The following DOCK3 variants were observed in gnomAD, a reference collection of about 807,000 sequenced individuals.
DOCK3 encodes dedicator of cytokinesis 3.
A neutral mutation model predicts 265.6 loss-of-function variants in DOCK3; 60 were observed. That is an observed-to-expected ratio of 0.23 (90% CI 0.18 to 0.28). DOCK3 has a LOEUF of 0.28. DOCK3 is among the 10% of genes least tolerant of loss of function. The probability of loss-of-function intolerance (pLI) is 1.00; values close to 1 mark genes in which losing one functional copy is unlikely to be tolerated. For missense variants in DOCK3, 1,981 were observed against 2,594.3 expected (o/e 0.76, Z 5.14); for synonymous variants, 881 against 938.0 (o/e 0.94, Z 1.11).
At chr3:51,239,476 G>GT (rs892468557) in intron 21 of DOCK3, among the ~76,000 whole-genome samples, 4 of 151,636 alleles carry the variant, frequency 2.6e-5, no homozygotes, top group Non-Finnish European at 5.9e-5. Context: ...GATTACAGGT[G>GT]TAAGCCACTG....
chr3:50,968,553 ATTT>A (rs749920591), intron 5 of DOCK3, among the ~76,000 whole-genome samples: 1 of 139,352 alleles, frequency 7.2e-6, no homozygotes. Flanking sequence ...TATGATTTCA[ATTT>A]TTTTTTTTTT....
chr3:51,132,605 A>G (rs2084607052), intron 9 of DOCK3, among the ~76,000 whole-genome samples: 1 of 152,198 alleles, frequency 6.6e-6, no homozygotes, highest in Non-Finnish European at 1.5e-5. Context: ...TGTCCACCAA[A>G]CTTAGGAGCG....
chr3:50,938,791 GA>G (rs1308154429), intron 5 of DOCK3, among the ~76,000 whole-genome samples: 1 of 151,242 alleles, frequency 6.6e-6, no homozygotes, highest in East Asian at 1.9e-4. Flanking sequence ...CTAATAATAG[GA>G]AAAAAAGCAA....
chr3:51,220,709 G>GTATATATATATATATATATA (rs3073874), intron 14 of DOCK3, among the ~76,000 whole-genome samples: 1 of 132,386 alleles, frequency 7.6e-6, no homozygotes, highest in African/African-American at 3.0e-5. Flanking sequence ...GTGTGTGTGT[G>GTATATATATATATATATATA]TATATATATA....
At chr3:51,164,374 G>A (rs1227802802) in intron 12 of DOCK3, among the ~76,000 whole-genome samples, 18 of 152,090 alleles carry the variant, frequency 1.2e-4, no homozygotes, top group Admixed American at 1.2e-3. Context: ...TGTAATCCCA[G>A]CACTTTGGGA....
intron 1 of DOCK3, among the ~76,000 whole-genome samples, chr3:50,759,714 G>A (rs561767611): frequency 3.2e-4 from 48 of 151,176 alleles, no homozygotes; most frequent in African/African-American, 1.1e-3. Context: ...GCTGGGCATG[G>A]TGGCACGTGC....
intron 4 of DOCK3, chr3:50,901,036 A>G (rs1320420597): frequency 1.2e-5 from 4 of 323,138 alleles, no homozygotes; most frequent in Non-Finnish European, 2.4e-5. Context: ...TTCAGAACAG[A>G]CAGGCTGGAA....
intron 12 of DOCK3, among the ~76,000 whole-genome samples, chr3:51,167,811 C>T (rs1341520102): frequency 2.0e-5 from 3 of 151,872 alleles, no homozygotes; most frequent in Admixed American, 1.3e-4. Context: ...GCTACTTTAC[C>T]GAATTTTATT....
chr3:51,095,102 A>T (rs1262483704), intron 9 of DOCK3, among the ~76,000 whole-genome samples: 1 of 149,104 alleles, frequency 6.7e-6, no homozygotes, highest in Admixed American at 6.7e-5. Flanking sequence ...CTGGGTCTTG[A>T]CTCTTTATCC....
chr3:50,788,260 T>A, intron 2 of DOCK3: 1 of 623,962 alleles, frequency 1.6e-6, no homozygotes, highest in Non-Finnish European at 2.4e-6. Flanking sequence ...AACCAGCTCC[T>A]GACGAGAAGT....
rs2033843091 is a variant in DOCK3 at position 50,675,197 on chromosome 3, GC to G, written c.-64del. ...TCGACTCGCGGTGCGCCACAGCCGGGCCCGCGGCCGTCCCCGCCGCGTTGTC... is the reference window on the plus strand; with the variant it reads ...TCGACTCGCGGTGCGCCACAGCCGGGCCGCGGCCGTCCCCGCCGCGTTGTC... On this transcript the variant is annotated 5_prime_UTR_variant, in exon 1 of 53. Coordinates refer to ENST00000266037, the MANE Select transcript of DOCK3 (RefSeq NM_004947.5). The surrounding 1 kb of genome is among the most constrained non-coding windows in gnomAD (Gnocchi z 6.1). 9.5e-7 allele frequency: 1 copy of G among 1,047,218 alleles called. No individual in the cohort carries two copies. Among genetic ancestry groups the G allele is most frequent in the South Asian group, 4.5e-5 (1 of 22,426 alleles). The allele number at this position is 1,047,218 out of a possible 1,614,324, so 64.9% of individuals were successfully genotyped here. A position where few individuals can be genotyped will look rare whatever the true frequency, so the allele number is the denominator to read the frequency against.
intron 5 of DOCK3, among the ~76,000 whole-genome samples, chr3:50,949,860 A>G (rs1249329882): frequency 2.0e-5 from 3 of 152,018 alleles, no homozygotes; most frequent in Non-Finnish European, 4.4e-5. Context: ...AGTAACCTAT[A>G]TAGGAAATAT....
chr3:50,742,438 A>G (rs1331909881), intron 1 of DOCK3, among the ~76,000 whole-genome samples: 3 of 151,194 alleles, frequency 2.0e-5, no homozygotes, highest in East Asian at 3.9e-4. Context: ...AAAGAAGTTG[A>G]AAACTTTGAA....
At chr3:51,168,205 T>C (rs544178398) in intron 12 of DOCK3, among the ~76,000 whole-genome samples, 2 of 152,366 alleles carry the variant, frequency 1.3e-5, no homozygotes, top group East Asian at 3.9e-4. Flanking sequence ...ACTATCAAAC[T>C]ACTAGTGACA....
At chr3:50,939,510 A>G (rs746146146) in intron 5 of DOCK3, among the ~76,000 whole-genome samples, 1 of 152,260 alleles carries the variant, frequency 6.6e-6, no homozygotes, top group South Asian at 2.1e-4. Context: ...CTTGATCAAT[A>G]TATAAAAATA....
chr3:51,272,156 G>A (rs1323144002), intron 24 of DOCK3, among the ~76,000 whole-genome samples: 4 of 152,178 alleles, frequency 2.6e-5, no homozygotes, highest in African/African-American at 9.7e-5. Context: ...ATATGAGCCT[G>A]ATTCTTTAAG....
At chr3:51,193,375 T>G (rs564761413) in intron 12 of DOCK3, among the ~76,000 whole-genome samples, 1 of 151,956 alleles carries the variant, frequency 6.6e-6, no homozygotes, top group Non-Finnish European at 1.5e-5. Context: ...ACATATAGTT[T>G]TCGTTGTTGT....
intron 14 of DOCK3, among the ~76,000 whole-genome samples, chr3:51,216,309 C>T (rs2089784002): frequency 6.6e-6 from 1 of 152,196 alleles, no homozygotes; most frequent in African/African-American, 2.4e-5. Flanking sequence ...GGATACTCTG[C>T]ATCTCTTCAT....
At position 51,381,062 on chromosome 3, in the gene DOCK3, C is replaced by G; in HGVS notation, c.5596C>G (p.Pro1866Ala). The change falls in exon 53 of 53, where the codon CCT (proline) becomes GCT (alanine). Residue 1866 changes from proline to alanine, a missense_variant. By Grantham distance (27) the Pro-to-Ala change is conservative (BLOSUM62 -1). This residue lies in a region of DOCK3 where 1,357 missense variants were observed against 1,866.8 expected (regional missense o/e 0.73). Transcript: ENST00000266037. The surrounding 1 kb of genome is among the most constrained non-coding windows in gnomAD (Gnocchi z 5.6). Reference sequence around the variant, plus strand: ...CTTTCCTTCGCAGTCTCCTCTCCACCCTATCCCAGCCTCCCCCACAAGCCC... The same window carrying G: ...CTTTCCTTCGCAGTCTCCTCTCCACGCTATCCCAGCCTCCCCCACAAGCCC... Reference protein sequence around the residue: ...ARTLRKSPLHPIPASPTSPQS... With the variant: ...ARTLRKSPLHAIPASPTSPQS... 6.2e-7 allele frequency: 1 copy of G among 1,601,012 alleles called. No homozygotes were observed.
Sources: allele counts gnomAD v4.1 joint callset (sites outside exome capture counted in the v4.1 genomes callset), GRCh38; gene constraint gnomAD v4.1.1; regional missense constraint gnomAD v4.1.1; non-coding constraint Gnocchi (gnomAD v3.1); transcripts MANE v1.5; gene names NCBI Gene and HGNC (gene_info 2026-07-23, HGNC 2026-07-21).